The following SRSF7 variants were observed in gnomAD, a reference collection of about 807,000 sequenced individuals.
SRSF7 encodes the protein serine and arginine rich splicing factor 7.
In SRSF7, 15 loss-of-function variants were observed where a neutral mutation model predicts 42.2. The ratio of observed to expected loss-of-function variants is 0.36; its 90% CI spans 0.24 to 0.55. The LOEUF (loss-of-function observed/expected upper bound fraction) is 0.55, where lower values mean the gene tolerates loss of function less well. Among genes scored for constraint, SRSF7 ranks in the 20% least tolerant of loss-of-function variants. SRSF7 has a pLI of 0.88. For synonymous variants in SRSF7, 138 were observed against 107.9 expected (o/e 1.28, Z -1.73); for missense variants, 181 against 305.9 (o/e 0.59, Z 3.04).
intron 1 of SRSF7, chr2:38,750,967 C>G (rs1233149236): frequency 9.5e-6 from 4 of 422,382 alleles, no homozygotes; most frequent in African/African-American, 2.0e-5. Flanking sequence ...AAAGGCAACG[C>G]GAAAACCGTC....
chr2:38,750,538 G>C (rs1017966720), intron 1 of SRSF7, among the ~76,000 whole-genome samples: 5 of 151,682 alleles, frequency 3.3e-5, no homozygotes, highest in African/African-American at 1.2e-4. Flanking sequence ...GGCCCGCAGC[G>C]GCAGCGGCGT....
intron 1 of SRSF7, 69 bp downstream of exon 1, chr2:38,751,160 A>G: frequency 6.2e-7 from 1 of 1,601,420 alleles, no homozygotes; most frequent in Non-Finnish European, 8.6e-7. Flanking sequence ...AACCTCCGCG[A>G]CAACCCTACG....
intron 1 of SRSF7, 36 bp downstream of exon 1, chr2:38,751,193 C>G: frequency 6.2e-7 from 1 of 1,613,850 alleles, no homozygotes. Flanking sequence ...TCACTACACC[C>G]ACACCAACGT....
At position 38,750,981 on chromosome 2, in the gene SRSF7, T is replaced by C. The variant is rs1215484609; in HGVS notation, c.28+248A>G. On this transcript the variant is annotated intron_variant, in intron 1 of 7. Transcript: ENST00000313117. ...GAAAGGCAACGCGAAAACCGTCATCTCAACCCTGCTTTAGGCTGGATTGGG... is the reference window on the plus strand; with the variant it reads ...GAAAGGCAACGCGAAAACCGTCATCCCAACCCTGCTTTAGGCTGGATTGGG... 53 of 452,856 alleles carry C rather than the reference T, an allele frequency of 1.2e-4. 1 individual carries two copies. In the South Asian group the frequency reaches 1.4e-3, roughly 12 times the overall value. 28.1% of individuals were successfully genotyped at this position (452,856 alleles called of 1,614,324 possible).
intron 1 of SRSF7, among the ~76,000 whole-genome samples, chr2:38,750,442 T>C (rs1453221533): frequency 6.6e-6 from 1 of 151,398 alleles, no homozygotes; most frequent in African/African-American, 2.4e-5. Context: ...CAGAAACGCG[T>C]GGTAGGATAC....
chr2:38,745,092 T>C lies in SRSF7; in HGVS notation c.*41A>G. 6.2e-7 allele frequency: 1 copy of C among 1,602,464 alleles called. No homozygotes were observed. Among genetic ancestry groups the C allele is most frequent in the Admixed American group, 1.7e-5 (1 of 59,672 alleles). ...ACATCACAAATCCCTTATAATAATG[T>C]AAACAAAATAACTTTTCCCTAAAGG... is the stretch of plus-strand genomic sequence containing the variant. On this transcript the variant is annotated 3_prime_UTR_variant, in exon 8 of 8. Coordinates refer to ENST00000313117, the MANE Select transcript of SRSF7 (RefSeq NM_001031684.3).
chr2:38,745,654 C>G (rs3134637), intron 7 of SRSF7, among the ~76,000 whole-genome samples: 34,220 of 150,878 alleles, frequency 0.23, 4,077 homozygotes, highest in Admixed American at 0.27. Flanking sequence ...AAACTCCATC[C>G]CAGAAAAAAA....
intron 1 of SRSF7, chr2:38,750,933 G>A (rs942918370): frequency 1.8e-5 from 7 of 378,838 alleles, no homozygotes; most frequent in East Asian, 1.6e-4. Context: ...CGGGGGGGGA[G>A]GGGGGCCGGC....
At chr2:38,746,619 C>T in intron 6 of SRSF7, 75 bp downstream of exon 6, 1 of 1,586,426 alleles carries the variant, frequency 6.3e-7, no homozygotes, top group Non-Finnish European at 8.6e-7. Context: ...AAAATTTCAA[C>T]AATTAAAAAC....
chr2:38,751,340 C>T lies in SRSF7; in HGVS notation c.-84G>A. ...AAAAGCTGACACACACCTTCACCCG[C>T]CAAGAGTCCCGGCGGCACTACGAGG... is the stretch of plus-strand genomic sequence containing the variant. On this transcript the variant is annotated 5_prime_UTR_variant, in exon 1 of 8. Coordinates refer to ENST00000313117, the MANE Select transcript of SRSF7 (RefSeq NM_001031684.3). 2 of 1,593,554 alleles carry T rather than the reference C, an allele frequency of 1.3e-6. No individual in the cohort carries two copies. The highest frequency in any genetic ancestry group is 1.7e-6 in the Non-Finnish European group (2 of 1,163,792).
chr2:38,750,428 C>A (rs1020831182), intron 1 of SRSF7, among the ~76,000 whole-genome samples: 2 of 151,924 alleles, frequency 1.3e-5, no homozygotes, highest in African/African-American at 2.4e-5. Flanking sequence ...CTCCCGAACA[C>A]AAGCAGAAAC....
intron 4 of SRSF7, 80 bp from the exon 5 acceptor site, chr2:38,748,237 A>G: frequency 9.5e-7 from 1 of 1,053,066 alleles, no homozygotes; most frequent in East Asian, 2.5e-5. Flanking sequence ...GGAACGGTGC[A>G]GTGGCTCATG....
intron 4 of SRSF7, 39 bp from the exon 5 acceptor site, chr2:38,748,196 T>C (rs1667766147): frequency 3.2e-6 from 5 of 1,561,032 alleles, no homozygotes; most frequent in Non-Finnish European, 4.4e-6. Context: ...CACAGTTTTT[T>C]TTTTTTTTGG....
rs771729574 is a variant in SRSF7 at position 38,749,479 on chromosome 2, A to T, written c.386+50T>A. Reference sequence around the variant, plus strand: ...CTAGTTTCTGCCTTGCTAATAAAAGAATTACTTGATTAACTAGAATACCAA... The same window carrying T: ...CTAGTTTCTGCCTTGCTAATAAAAGTATTACTTGATTAACTAGAATACCAA... On this transcript the variant is annotated intron_variant, in intron 3 of 7. Coordinates refer to ENST00000313117, the MANE Select transcript of SRSF7 (RefSeq NM_001031684.3). 5.2e-6 allele frequency: 8 copies of T among 1,545,802 alleles called. No homozygotes were observed. The Admixed American group carries it at 1.5e-4, about 28-fold the overall frequency.
chr2:38,745,330 T>A, intron 7 of SRSF7, 143 bp from the exon 8 acceptor site: 1 of 836,408 alleles, frequency 1.2e-6, no homozygotes, highest in Non-Finnish European at 1.9e-6. Flanking sequence ...GAAACTTACA[T>A]ATATTCATCT....
chr2:38,747,032 T>C, intron 5 of SRSF7: 2 of 575,152 alleles, frequency 3.5e-6, no homozygotes, highest in Non-Finnish European at 6.7e-6. Context: ...TTTCATTTGA[T>C]GAGACTGGTA....
chr2:38,749,165 T>C, intron 3 of SRSF7: 2 of 1,322,776 alleles, frequency 1.5e-6, no homozygotes, highest in Admixed American at 2.3e-5. Context: ...CCGTCTCAAA[T>C]TTTCTGCCCT....
intron 7 of SRSF7, among the ~76,000 whole-genome samples, chr2:38,745,579 C>T (rs1338017056): frequency 6.6e-6 from 1 of 151,844 alleles, no homozygotes; most frequent in East Asian, 1.9e-4. Context: ...TGCTTGAACC[C>T]GGGAATCGGA....
Position 38,745,087 on chromosome 2 carries a change from TA to T in SRSF7, c.*45del. 6.9e-6 allele frequency: 11 copies of T among 1,590,548 alleles called. No individual in the cohort carries two copies. In the South Asian group the frequency reaches 1.2e-4, roughly 18 times the overall value. ...TACAGACATCACAAATCCCTTATAATAATGTAAACAAAATAACTTTTCCCTA... is the reference window on the plus strand; with the variant it reads ...TACAGACATCACAAATCCCTTATAATATGTAAACAAAATAACTTTTCCCTA... On this transcript the variant is annotated 3_prime_UTR_variant, in exon 8 of 8. Transcript: ENST00000313117.
Sources: gnomAD v4.1 joint callset for allele counts (sites outside exome capture counted in the v4.1 genomes callset) on GRCh38, gnomAD v4.1.1 for gene constraint, MANE v1.5 for transcripts, NCBI Gene and HGNC (gene_info 2026-07-23, HGNC 2026-07-21) for gene names.